FBXO4: variants seen among roughly 807,000 people sequenced by gnomAD.
The protein encoded by FBXO4 is F-box protein 4.
A neutral mutation model predicts 43.7 loss-of-function variants in FBXO4; 36 were observed. That is an observed-to-expected ratio of 0.82 (90% confidence interval 0.63 to 1.09). The LOEUF (loss-of-function observed/expected upper bound fraction) is 1.09, where lower values mean the gene tolerates loss of function less well. Among genes scored for constraint, FBXO4 ranks in the 50% least tolerant of loss-of-function variants. The pLI, the probability that FBXO4 is intolerant of heterozygous loss-of-function variation, is 0.00. For synonymous variants in FBXO4, 180 were observed against 165.6 expected (o/e 1.09, Z -0.67); for missense variants, 435 against 474.1 (o/e 0.92, Z 0.77).
chr5:41,965,024 A>T, the FBXO4 span, among the ~76,000 whole-genome samples: 1 of 152,110 alleles, frequency 6.6e-6, no homozygotes, highest in Admixed American at 6.6e-5. Context: ...TAGGTCTAAC[A>T]TTTAAGTTTT....
At chr5:42,031,674 A>G in the FBXO4 span, among the ~76,000 whole-genome samples, 2,439 of 151,982 alleles carry the variant, frequency 0.016, 122 homozygotes, top group East Asian at 0.1. Context: ...TTTCTCCAGG[A>G]TTTGTCGTGA....
At chr5:42,034,701 C>G in the FBXO4 span, among the ~76,000 whole-genome samples, 5 of 152,092 alleles carry the variant, frequency 3.3e-5, no homozygotes, top group African/African-American at 1.2e-4. Context: ...TCTGACATCT[C>G]TGTTCTGTTC....
At chr5:41,989,726 TATC>T in the FBXO4 span, among the ~76,000 whole-genome samples, 1 of 152,178 alleles carries the variant, frequency 6.6e-6, no homozygotes, top group African/African-American at 2.4e-5. Context: ...ATTCAAGAAG[TATC>T]ATCCCAAAAT....
At chr5:42,007,409 C>T in the FBXO4 span, among the ~76,000 whole-genome samples, 2 of 151,968 alleles carry the variant, frequency 1.3e-5, no homozygotes, top group Admixed American at 1.3e-4. Flanking sequence ...AAGTATTAGC[C>T]ATCTTCTAAG....
the FBXO4 span, among the ~76,000 whole-genome samples, chr5:41,972,818 G>A: frequency 6.6e-6 from 1 of 152,046 alleles, no homozygotes; most frequent in Non-Finnish European, 1.5e-5. Context: ...AACAAGCAAT[G>A]GGAAAAGGAC....
chr5:41,999,979 C>T, the FBXO4 span, among the ~76,000 whole-genome samples: 2 of 151,806 alleles, frequency 1.3e-5, no homozygotes, highest in African/African-American at 4.8e-5. Flanking sequence ...TCCCCATTTC[C>T]CTCATCTCCC....
At chr5:42,034,937 C>T in the FBXO4 span, among the ~76,000 whole-genome samples, 1 of 152,092 alleles carries the variant, frequency 6.6e-6, no homozygotes, top group Non-Finnish European at 1.5e-5. Context: ...AGCATGGAAT[C>T]TATAAATTAC....
At chr5:41,956,294 A>G in the FBXO4 span, among the ~76,000 whole-genome samples, 1 of 152,236 alleles carries the variant, frequency 6.6e-6, no homozygotes, top group African/African-American at 2.4e-5. Flanking sequence ...GCTTCTGGAC[A>G]TATAAATTAC....
chr5:41,965,030 GT>G, the FBXO4 span, among the ~76,000 whole-genome samples: 2 of 152,164 alleles, frequency 1.3e-5, no homozygotes, highest in African/African-American at 4.8e-5. Context: ...TAACATTTAA[GT>G]TTTTTATCCA....
chr5:42,006,914 A>ATATATATATATATG, the FBXO4 span, among the ~76,000 whole-genome samples: 4 of 141,498 alleles, frequency 2.8e-5, no homozygotes, highest in African/African-American at 1.1e-4. Context: ...ATATATATAT[A>ATATATATATATATG]TATGTATATA....
chr5:41,986,425 T>C, the FBXO4 span, among the ~76,000 whole-genome samples: 1 of 152,076 alleles, frequency 6.6e-6, no homozygotes, highest in Admixed American at 6.6e-5. Flanking sequence ...AGAAAAGATA[T>C]AAAAACAAAG....
chr5:42,024,127 A>G, the FBXO4 span, among the ~76,000 whole-genome samples: 3 of 152,056 alleles, frequency 2.0e-5, no homozygotes, highest in African/African-American at 7.2e-5. Flanking sequence ...TAGCCTTCAC[A>G]GCCTTCTGAG....
the FBXO4 span, among the ~76,000 whole-genome samples, chr5:42,012,551 T>G: frequency 1.3e-5 from 2 of 152,136 alleles, no homozygotes; most frequent in Non-Finnish European, 2.9e-5. Flanking sequence ...CATTATAAAG[T>G]TTTTGATAGC....
chr5:42,037,028 C>T, the FBXO4 span, among the ~76,000 whole-genome samples: 3 of 152,008 alleles, frequency 2.0e-5, no homozygotes, highest in Non-Finnish European at 4.4e-5. Context: ...GAAAAGGGAG[C>T]GCTCTCCAGC....
At chr5:41,951,653 A>G in the FBXO4 span, 19 of 203,382 alleles carry the variant, frequency 9.3e-5, no homozygotes, top group African/African-American at 1.7e-4. Flanking sequence ...AAGCACGTGC[A>G]TAACTTCTTG....
chr5:41,960,514 G>T, the FBXO4 span, among the ~76,000 whole-genome samples: 4 of 152,016 alleles, frequency 2.6e-5, no homozygotes, highest in African/African-American at 7.2e-5. Context: ...ATTGTGTTGA[G>T]GTACATTTCT....
At chr5:41,989,744 C>T in the FBXO4 span, among the ~76,000 whole-genome samples, 3 of 152,158 alleles carry the variant, frequency 2.0e-5, no homozygotes, top group African/African-American at 7.2e-5. Context: ...CAAAATAGCT[C>T]CCCATTGCTT....
In FBXO4 at chr5:41,933,917, G is replaced by T. The variant is rs745717635; in HGVS notation, c.647-29G>T. On this transcript the variant is annotated intron_variant, in intron 3 of 6. Coordinates refer to ENST00000281623, the MANE Select transcript of FBXO4 (RefSeq NM_012176.3). ...CTTTTGCTATTTTTATTAATGATTT[G>T]TTTTGGTAACTGTGATTTTCTTTCT... is the stretch of plus-strand genomic sequence containing the variant. 3 of 1,570,442 alleles carry T rather than the reference G, an allele frequency of 1.9e-6. No homozygotes were observed. In the African/African-American group the frequency reaches 4.1e-5, roughly 21 times the overall value.
the FBXO4 span, among the ~76,000 whole-genome samples, chr5:41,992,097 A>G: frequency 3.3e-5 from 5 of 152,174 alleles, no homozygotes; most frequent in African/African-American, 1.2e-4. Context: ...ATATATATAT[A>G]TACCTTCATC....
Sources: gnomAD v4.1 joint callset for allele counts (sites outside exome capture counted in the v4.1 genomes callset) on GRCh38, gnomAD v4.1.1 for gene constraint, MANE v1.5 for transcripts, NCBI Gene and HGNC (gene_info 2026-07-23, HGNC 2026-07-21) for gene names.